CYP1A1: variants seen among roughly 807,000 people sequenced by gnomAD.
CYP1A1 encodes the protein cytochrome P450 family 1 subfamily A member 1.
A neutral mutation model predicts 33.6 loss-of-function variants in CYP1A1; 43 were observed. That is an observed-to-expected ratio of 1.28 (90% confidence interval 1.00 to 1.65). The LOEUF is 1.65. Ranked by LOEUF, CYP1A1 falls within the 40% of genes most tolerant of loss-of-function variation. The pLI, the probability that CYP1A1 is intolerant of heterozygous loss-of-function variation, is 0.00. For missense variants in CYP1A1, 637 were observed against 653.7 expected (o/e 0.97, Z 0.28); for synonymous variants, 280 against 257.8 (o/e 1.09, Z -0.83).
At position 74,720,626 on chromosome 15, in the gene CYP1A1, AGACCTCC is replaced by A. The variant is rs774927292; in HGVS notation, c.1395_1401del (p.Trp465CysfsTer20). Reference sequence around the variant, plus strand: ...TGCAGCAGGATAGCCAGGAAGAGAAAGACCTCCCAGCGGGCAATGGTCTCACCGATAC... The same window carrying A: ...TGCAGCAGGATAGCCAGGAAGAGAAACAGCGGGCAATGGTCTCACCGATAC... On this transcript the variant is annotated frameshift_variant, in exon 7 of 7. Transcript: ENST00000379727. LOFTEE classifies it high-confidence loss of function. 3 of 1,614,222 alleles carry A rather than the reference AGACCTCC, an allele frequency of 1.9e-6. No homozygotes were observed. The highest frequency in any genetic ancestry group is 1.6e-4 in the Middle Eastern group (1 of 6,062).
Position 74,720,294 on chromosome 15 carries a change from G to C in CYP1A1, c.*195C>G. 2.0e-6 allele frequency: 1 copy of C among 502,484 alleles called. No individual in the cohort carries two copies. Among genetic ancestry groups the C allele is most frequent in the Non-Finnish European group, 3.4e-6 (1 of 295,050 alleles). The allele number at this position is 502,484 out of a possible 1,614,324, so 31.1% of individuals were successfully genotyped here. On this transcript the variant is annotated 3_prime_UTR_variant, in exon 7 of 7. Coordinates refer to ENST00000379727, the MANE Select transcript of CYP1A1 (RefSeq NM_001319217.2). ...CCCTGTTTTACCTGTTGTCTCTGGA[G>C]GGTGTGCAGAGGCAAGTCCAGGGTA...
In CYP1A1 at chr15:74,722,347, A is replaced by G; in HGVS notation, c.751T>C (p.Phe251Leu). The change falls in exon 2 of 7, where the codon TTC (phenylalanine) becomes CTC (leucine). Residue 251 changes from phenylalanine (F) to leucine (L), a missense_variant. Coordinates refer to ENST00000379727, the MANE Select transcript of CYP1A1 (RefSeq NM_001319217.2). ...RYLPNPSLNA[F>L]KDLNEKFYSF... ...TAGAACTTCTCATTCAGGTCCTTGA[A>G]GGCATTCAGGGAAGGGTTGGGTAGG... The G allele has an allele frequency of 6.2e-7, 1 of 1,614,144 alleles. No individual in the cohort carries two copies. Among genetic ancestry groups the G allele is most frequent in the East Asian group, 2.2e-5 (1 of 44,888 alleles).
Position 74,720,615 on chromosome 15 carries a change from C to A in CYP1A1, c.1413G>T (p.Leu471=). ...TIARWEVFLF[L]AILLQRVEFS... ...ATTCCACCCGTTGCAGCAGGATAGC[C>A]AGGAAGAGAAAGACCTCCCAGCGGG... The change falls in exon 7 of 7, where the codon CTG becomes CTT. Residue 471 remains leucine (L), a synonymous_variant. Transcript: ENST00000379727. The A allele has an allele frequency of 1.2e-6, 2 of 1,614,178 alleles. No homozygotes were observed. The highest frequency in any genetic ancestry group is 1.7e-6 in the Non-Finnish European group (2 of 1,180,016).
In CYP1A1 at chr15:74,720,833, T is replaced by A. The variant is rs868741288; in HGVS notation, c.1254-59A>T. 3.8e-6 allele frequency: 6 copies of A among 1,574,964 alleles called. No individual in the cohort carries two copies. The Middle Eastern group carries it at 8.5e-4, about 223-fold the overall frequency. On this transcript the variant is annotated intron_variant, in intron 6 of 6. Transcript: ENST00000379727. ...TCAGGGCTCAGAAGTGTCAAGTGAG[T>A]GGAGCTCCAGCCCCAAAGGATAGAG... is the stretch of plus-strand genomic sequence containing the variant.
At position 74,721,190 on chromosome 15, in the gene CYP1A1, G is replaced by C; in HGVS notation, c.1166+9C>G. On this transcript the variant is annotated intron_variant, in intron 5 of 6. Coordinates refer to ENST00000379727, the MANE Select transcript of CYP1A1 (RefSeq NM_001319217.2). ...AGTAACAGACAGCAGTGGCTCCATGGGGCCTTACCTGTGGGGGATGGTGAA... is the reference window on the plus strand; with the variant it reads ...AGTAACAGACAGCAGTGGCTCCATGCGGCCTTACCTGTGGGGGATGGTGAA... 6.2e-7 allele frequency: 1 copy of C among 1,610,854 alleles called. No homozygotes were observed.
chr15:74,720,942 C>G, intron 6 of CYP1A1, 25 bp downstream of exon 6: 1 of 1,611,816 alleles, frequency 6.2e-7, no homozygotes, highest in Non-Finnish European at 8.5e-7. Context: ...TGGACCCAGC[C>G]TTTCCTCTGC....
intron 1 of CYP1A1, chr15:74,725,196 G>T (rs1219439998): frequency 5.9e-5 from 9 of 152,464 alleles, no homozygotes; most frequent in African/African-American, 2.2e-4. Context: ...GGGTCCTGAA[G>T]TCCTGAATGA....
intron 1 of CYP1A1, among the ~76,000 whole-genome samples, 157 bp from the exon 2 acceptor site, chr15:74,723,283 C>A (rs530935776): frequency 1.4e-4 from 21 of 152,186 alleles, no homozygotes; most frequent in Non-Finnish European, 2.8e-4. Context: ...GTTGAACTAC[C>A]ACTGTGGGCT....
At position 74,722,044 on chromosome 15, in the gene CYP1A1, A is replaced by G. The variant is rs1012104353; in HGVS notation, c.825+229T>C. On this transcript the variant is annotated intron_variant, in intron 2 of 6. Transcript: ENST00000379727. ...GCAACTGCCCCAGGGTCCTGCATGT[A>G]ATGACTCTTCAGTGGCTATTGCTGT... 11 of 595,476 alleles carry G rather than the reference A, an allele frequency of 1.8e-5. No individual in the cohort carries two copies. In the African/African-American group the frequency reaches 2.0e-4, roughly 11 times the overall value. The allele number at this position is 595,476 out of a possible 1,614,324, so 36.9% of individuals were successfully genotyped here. A position where few individuals can be genotyped will look rare whatever the true frequency, so the allele number is the denominator to read the frequency against.
chr15:74,721,682 C>A lies in CYP1A1; in HGVS notation c.861G>T (p.Glu287Asp). The part of the protein sequence containing the change: ...HIRDITDSLI[E>D]HCQEKQLDEN... ...CATCCAGCTGCTTCTCCTGACAGTG[C>A]TCAATCAGGCTGTCTGTGATGTCCC... is the stretch of plus-strand genomic sequence containing the variant. Residue 287 changes from glutamate to aspartate, a missense_variant, in exon 3 of 7, where the codon GAG (glutamate) becomes GAT (aspartate). By Grantham distance (45) the Glu-to-Asp change is conservative. Coordinates refer to ENST00000379727, the MANE Select transcript of CYP1A1 (RefSeq NM_001319217.2). 1 of 1,614,080 alleles carries A rather than the reference C, an allele frequency of 6.2e-7. No individual in the cohort carries two copies. The highest frequency in any genetic ancestry group is 8.5e-7 in the Non-Finnish European group (1 of 1,180,026).
At chr15:74,722,193 G>T in intron 2 of CYP1A1, 80 bp downstream of exon 2, 1 of 1,182,648 alleles carries the variant, frequency 8.5e-7, no homozygotes, top group Non-Finnish European at 1.2e-6. Context: ...CAAGCCCCAT[G>T]CAGTTCCTCT....
intron 1 of CYP1A1, 78 bp from the exon 2 acceptor site, chr15:74,723,204 G>A (rs1047768353): frequency 1.2e-6 from 1 of 817,224 alleles, no homozygotes. Context: ...AGAGTGTCAG[G>A]GAAAGGGGAA....
At chr15:74,722,248 C>T (rs2063176261) in intron 2 of CYP1A1, 25 bp downstream of exon 2, 1 of 1,585,126 alleles carries the variant, frequency 6.3e-7, no homozygotes, top group East Asian at 2.3e-5. Flanking sequence ...TTCCCACCAC[C>T]CACCTGCCTT....
In CYP1A1 at chr15:74,722,995, TG is replaced by T. The variant is rs1280540948; in HGVS notation, c.102del (p.Gly36AlafsTer2). On this transcript the variant is annotated frameshift_variant, in exon 2 of 7. Transcript: ENST00000379727. LOFTEE classifies it high-confidence loss of function. ...GGCCCTGGTGGATTCTTCAGGCCTT[TG>T]GGGACCTGAGGTCTTGAGGCCCTGA... ...WVIRASRPQV[P>X]KGLKNPPGPW... 6.2e-7 allele frequency: 1 copy of T among 1,614,050 alleles called. No homozygotes were observed. Among genetic ancestry groups the T allele is most frequent in the Admixed American group, 1.7e-5 (1 of 60,016 alleles).
rs190613039 is a variant in CYP1A1 at position 74,721,993 on chromosome 15, C to T, written c.826-276G>A. The T allele has an allele frequency of 8.5e-6, 5 of 591,490 alleles. No individual in the cohort carries two copies. In the Admixed American group the frequency reaches 1.2e-4, roughly 15 times the overall value. The allele number at this position is 591,490 out of a possible 1,614,324, so 36.6% of individuals were successfully genotyped here. On this transcript the variant is annotated intron_variant, in intron 2 of 6. Coordinates refer to ENST00000379727, the MANE Select transcript of CYP1A1 (RefSeq NM_001319217.2). ...TTCTATTATGAGGCCAGGAGATGAACTCTTTAACTCTTCCTGGCTCCCTCA... is the reference window on the plus strand; with the variant it reads ...TTCTATTATGAGGCCAGGAGATGAATTCTTTAACTCTTCCTGGCTCCCTCA...
chr15:74,722,583 C>T lies in CYP1A1; in HGVS notation c.515G>A (p.Ser172Asn), dbSNP rs2063180557. 1 of 1,614,150 alleles carries T rather than the reference C, an allele frequency of 6.2e-7. No homozygotes were observed. Among genetic ancestry groups the T allele is most frequent in the African/African-American group, 1.3e-5 (1 of 75,050 alleles). The change falls in exon 2 of 7, where the codon AGC (serine) becomes AAC (asparagine). Residue 172 changes from serine to asparagine, a missense_variant. Ser to Asn is a conservative substitution (Grantham distance 46). Transcript: ENST00000379727. ...HVSKEAEVLI[S>N]TLQELMAGPG... is the part of the protein sequence containing the mutation. ...CCCTGCCATCAGCTCCTGCAACGTG[C>T]TTATCAGGACCTCAGCCTCCTTGCT...
chr15:74,721,350 C>T, intron 4 of CYP1A1, 28 bp from the exon 5 acceptor site: 1 of 1,613,776 alleles, frequency 6.2e-7, no homozygotes, highest in South Asian at 1.1e-5. Context: ...AAGATGGATG[C>T]AGGGGCTGCC....
chr15:74,721,638 A>T lies in CYP1A1; in HGVS notation c.905T>A (p.Leu302Gln). ...KQLDENANVQ[L>Q]SDEKIINIVL... Reference sequence around the variant, plus strand: ...GATGTTAATGATCTTCTCATCTGACAGCTGGACATTGGCGTTCTCATCCAG... The same window carrying T: ...GATGTTAATGATCTTCTCATCTGACTGCTGGACATTGGCGTTCTCATCCAG... The change falls in exon 3 of 7, where the codon CTG (leucine) becomes CAG (glutamine). Residue 302 changes from leucine to glutamine, a missense_variant. Coordinates refer to ENST00000379727, the MANE Select transcript of CYP1A1 (RefSeq NM_001319217.2). 2 of 1,614,084 alleles carry T rather than the reference A, an allele frequency of 1.2e-6. No individual in the cohort carries two copies. The highest frequency in any genetic ancestry group is 1.7e-6 in the Non-Finnish European group (2 of 1,180,026).
rs766998000 is a variant in CYP1A1 at position 74,720,621 on chromosome 15, G to A, written c.1407C>T (p.Leu469=). The A allele has an allele frequency of 4.3e-6, 7 of 1,614,216 alleles. No individual in the cohort carries two copies. Among genetic ancestry groups the A allele is most frequent in the South Asian group, 3.3e-5 (3 of 91,086 alleles). ...GETIARWEVF[L]FLAILLQRVE... is the part of the protein sequence containing the mutation. The stretch of plus-strand genomic sequence containing the variant: ...CCCGTTGCAGCAGGATAGCCAGGAA[G>A]AGAAAGACCTCCCAGCGGGCAATGG... Residue 469 remains leucine, a synonymous_variant, in exon 7 of 7, where the codon CTC becomes CTT. Transcript: ENST00000379727.
Sources: allele counts gnomAD v4.1 joint callset (sites outside exome capture counted in the v4.1 genomes callset), GRCh38; gene constraint gnomAD v4.1.1; transcripts MANE v1.5; gene names NCBI Gene and HGNC (gene_info 2026-07-23, HGNC 2026-07-21).